KCNH8: variants seen among roughly 807,000 people sequenced by gnomAD.
KCNH8 encodes the protein voltage-gated delayed rectifier potassium channel KCNH8.
A neutral mutation model predicts 103.6 loss-of-function variants in KCNH8; 70 were observed. That is an observed-to-expected ratio of 0.68 (90% CI 0.56 to 0.82). The LOEUF (loss-of-function observed/expected upper bound fraction) is 0.82. KCNH8 is among the 40% of genes least tolerant of loss of function. KCNH8 has a pLI of 0.00. For missense variants in KCNH8, 1,217 were observed against 1,329.9 expected (o/e 0.92, Z 1.32); for synonymous variants, 498 against 489.4 (o/e 1.02, Z -0.23).
intron 14 of KCNH8, 70 bp from the exon 15 acceptor site, chr3:19,517,921 CATATTCT>C: frequency 8.5e-7 from 1 of 1,177,108 alleles, no homozygotes; most frequent in Non-Finnish European, 1.3e-6. Flanking sequence ...GACTTTCTTT[CATATTCT>C]AATTGCCTCG....
chr3:19,505,002 TCA>T (rs2068663847), intron 11 of KCNH8, among the ~76,000 whole-genome samples: 1 of 150,918 alleles, frequency 6.6e-6, no homozygotes, highest in Admixed American at 6.6e-5. Context: ...TATATCTCTC[TCA>T]CATTCATATA....
intron 7 of KCNH8, among the ~76,000 whole-genome samples, chr3:19,413,894 A>G (rs544707775): frequency 1.2e-4 from 19 of 152,220 alleles, no homozygotes; most frequent in African/African-American, 4.3e-4. Flanking sequence ...AAGACATAAT[A>G]TGACATTTTA....
At chr3:19,319,246 A>G (rs528670040) in intron 3 of KCNH8, among the ~76,000 whole-genome samples, 1 of 152,134 alleles carries the variant, frequency 6.6e-6, no homozygotes, top group African/African-American at 2.4e-5. Context: ...GCCTAAGCCA[A>G]TGTCTAGAAG....
intron 1 of KCNH8, among the ~76,000 whole-genome samples, chr3:19,218,897 A>G (rs11925978): frequency 0.04 from 6,125 of 152,258 alleles, 431 homozygotes; most frequent in African/African-American, 0.14. Context: ...GGACACAGTT[A>G]TATTGGATTA....
At chr3:19,396,588 G>A (rs1439542526) in intron 7 of KCNH8, among the ~76,000 whole-genome samples, 1 of 151,976 alleles carries the variant, frequency 6.6e-6, no homozygotes, top group East Asian at 1.9e-4. Context: ...AGGAAACAAA[G>A]AAAATGGGGA....
intron 1 of KCNH8, among the ~76,000 whole-genome samples, chr3:19,217,203 G>T (rs2063826548): frequency 6.6e-6 from 1 of 152,162 alleles, no homozygotes; most frequent in African/African-American, 2.4e-5. Flanking sequence ...TGCTTGGAAA[G>T]TGTTCTATTT....
intron 5 of KCNH8, among the ~76,000 whole-genome samples, chr3:19,351,257 G>C (rs540430124): frequency 6.6e-6 from 1 of 152,164 alleles, no homozygotes; most frequent in East Asian, 1.9e-4. Context: ...ATCTACATCT[G>C]ATTGGTGTAC....
intron 11 of KCNH8, among the ~76,000 whole-genome samples, chr3:19,463,270 G>C (rs1486909145): frequency 1.3e-5 from 2 of 152,038 alleles, no homozygotes; most frequent in East Asian, 1.9e-4. Flanking sequence ...CATTGCAAAA[G>C]TTTCAGAGTA....
intron 3 of KCNH8, among the ~76,000 whole-genome samples, chr3:19,291,779 G>A (rs1240871177): frequency 6.6e-6 from 1 of 152,128 alleles, no homozygotes; most frequent in Non-Finnish European, 1.5e-5. Context: ...GCAGAGCTGA[G>A]TTCAATTCCT....
chr3:19,521,385 A>C (rs1234253658), intron 15 of KCNH8, among the ~76,000 whole-genome samples: 1 of 152,002 alleles, frequency 6.6e-6, no homozygotes, highest in African/African-American at 2.4e-5. Flanking sequence ...ATAATAATAG[A>C]ACCTGTAATC....
intron 12 of KCNH8, among the ~76,000 whole-genome samples, chr3:19,510,646 T>C (rs1476350143): frequency 6.6e-6 from 1 of 152,210 alleles, no homozygotes; most frequent in East Asian, 1.9e-4. Flanking sequence ...ACATGCCAAA[T>C]GTAAAGTCCT....
intron 5 of KCNH8, among the ~76,000 whole-genome samples, chr3:19,362,038 A>G (rs1027267969): frequency 2.0e-5 from 3 of 152,144 alleles, no homozygotes; most frequent in African/African-American, 7.2e-5. Flanking sequence ...TTGGTGAGGT[A>G]ATTATATCAA....
chr3:19,436,883 G>A (rs76707011), intron 7 of KCNH8, among the ~76,000 whole-genome samples: 1,525 of 152,154 alleles, frequency 0.01, 10 homozygotes, highest in South Asian at 0.018. Flanking sequence ...TTCTTGGTTC[G>A]GACCCTCTTT....
intron 15 of KCNH8, among the ~76,000 whole-genome samples, chr3:19,532,617 G>C (rs1427823310): frequency 2.6e-5 from 4 of 152,176 alleles, no homozygotes; most frequent in Non-Finnish European, 5.9e-5. Context: ...TTTACATGCA[G>C]TATCTGCCAC....
intron 5 of KCNH8, among the ~76,000 whole-genome samples, chr3:19,351,095 C>T (rs2065795426): frequency 6.6e-6 from 1 of 151,974 alleles, no homozygotes; most frequent in South Asian, 2.1e-4. Flanking sequence ...CATGCACAAG[C>T]TTCAGTAGCC....
At chr3:19,316,983 GTTC>G (rs1191230372) in intron 3 of KCNH8, among the ~76,000 whole-genome samples, 4 of 151,780 alleles carry the variant, frequency 2.6e-5, no homozygotes, top group South Asian at 2.1e-4. Context: ...TTCATCTTCT[GTTC>G]TTCTTTTTTC....
intron 1 of KCNH8, among the ~76,000 whole-genome samples, chr3:19,203,281 C>A (rs898179943): frequency 2.0e-5 from 3 of 151,918 alleles, no homozygotes; most frequent in African/African-American, 4.8e-5. Context: ...ATATTTGAAG[C>A]ACTTAAATTT....
At chr3:19,479,985 C>T (rs1033648831) in intron 11 of KCNH8, among the ~76,000 whole-genome samples, 66 of 152,180 alleles carry the variant, frequency 4.3e-4, no homozygotes, top group African/African-American at 1.4e-3. Flanking sequence ...TTATAATACA[C>T]GTCTCACTTC....
intron 3 of KCNH8, among the ~76,000 whole-genome samples, chr3:19,311,585 A>G (rs372687949): frequency 6.6e-6 from 1 of 151,760 alleles, no homozygotes; most frequent in African/African-American, 2.4e-5. Flanking sequence ...ACCCAGAAAC[A>G]TATCTGAGAG....
Sources: gnomAD v4.1 joint callset for allele counts (sites outside exome capture counted in the v4.1 genomes callset) on GRCh38, gnomAD v4.1.1 for gene constraint, MANE v1.5 for transcripts, NCBI Gene and HGNC (gene_info 2026-07-23, HGNC 2026-07-21) for gene names.